TSNAX: variants seen among roughly 807,000 people sequenced by gnomAD.
TSNAX encodes translin-associated protein X.
A neutral mutation model predicts 33.0 loss-of-function variants in TSNAX; 12 were observed. That is an observed-to-expected ratio of 0.36 (90% confidence interval 0.23 to 0.59). TSNAX has a LOEUF of 0.59. Among genes scored for constraint, TSNAX ranks in the 20% least tolerant of loss-of-function variants. The pLI, the probability that TSNAX is intolerant of heterozygous loss-of-function variation, is 0.74. For missense variants in TSNAX, 267 were observed against 341.3 expected, an observed-to-expected ratio of 0.78 and a Z score of 1.72; for synonymous variants, 110 against 117.2, an observed-to-expected ratio of 0.94 and a Z score of 0.40.
chr1:231,561,247 A>C lies in TSNAX; in HGVS notation c.487A>C (p.Asn163His), dbSNP rs1558138779. 6.6e-7 allele frequency: 1 copy of C among 1,520,662 alleles called. No individual in the cohort carries two copies. The highest frequency in any genetic ancestry group is 2.3e-5 in the East Asian group (1 of 44,118). 94.2% of individuals were successfully genotyped at this position (1,520,662 alleles called of 1,614,324 possible). A position where few individuals can be genotyped will look rare whatever the true frequency, so the allele number is the denominator to read the frequency against. The change falls in exon 5 of 6, where the codon AAT becomes CAT. Residue 163 changes from asparagine (N) to histidine (H), a missense_variant. By Grantham distance (68) the Asn-to-His change is moderately conservative. Coordinates refer to ENST00000366639, the MANE Select transcript of TSNAX (RefSeq NM_005999.3). Reference sequence around the variant, plus strand: ...TACGACTGAAGACAATGGGAAAGAAAATAAAACTGTGAGAATTTAAAATTT... The same window carrying C: ...TACGACTGAAGACAATGGGAAAGAACATAAAACTGTGAGAATTTAAAATTT... ...IFTTEDNGKE[N>H]KTPSSDAQDK...
At chr1:231,531,748 A>G (rs552393861) in intron 2 of TSNAX, among the ~76,000 whole-genome samples, 2 of 152,280 alleles carry the variant, frequency 1.3e-5, no homozygotes, top group East Asian at 3.9e-4. Flanking sequence ...CCTATAGGCC[A>G]GGCAGCTTGC....
chr1:231,530,710 C>CAAA (rs59803472), intron 2 of TSNAX, among the ~76,000 whole-genome samples: 1 of 73,210 alleles, frequency 1.4e-5, no homozygotes, highest in Non-Finnish European at 2.9e-5. Flanking sequence ...GGCTCCGTCT[C>CAAA]AAAAAAAAAA....
chr1:231,539,651 T>C (rs1270632392), intron 3 of TSNAX, among the ~76,000 whole-genome samples: 1 of 152,112 alleles, frequency 6.6e-6, no homozygotes, highest in Non-Finnish European at 1.5e-5. Context: ...TTAGAAAAAT[T>C]ACGAATGGCA....
chr1:231,564,862 C>G lies in TSNAX; in HGVS notation c.830C>G (p.Ser277Ter). 2 of 1,614,108 alleles carry G rather than the reference C, an allele frequency of 1.2e-6. No individual in the cohort carries two copies. Among genetic ancestry groups the G allele is most frequent in the Non-Finnish European group, 1.7e-6 (2 of 1,180,002 alleles). The change falls in exon 6 of 6, where the codon TCA becomes TGA. Residue 277 changes from serine (S) to a stop codon, truncating the protein, a stop_gained. Coordinates refer to ENST00000366639, the MANE Select transcript of TSNAX (RefSeq NM_005999.3). LOFTEE classifies it high-confidence loss of function. ...AAACATATGTTGGCAGATGTGTTTTCAGTTAAAACAGAAATGATAGATCAA... is the reference window on the plus strand; with the variant it reads ...AAACATATGTTGGCAGATGTGTTTTGAGTTAAAACAGAAATGATAGATCAA... ...IPKHMLADVF[S>*]VKTEMIDQEE...
At chr1:231,553,100 G>A (rs1391677617) in intron 4 of TSNAX, among the ~76,000 whole-genome samples, 1 of 152,096 alleles carries the variant, frequency 6.6e-6, no homozygotes, top group African/African-American at 2.4e-5. Flanking sequence ...GCTCTTTTGG[G>A]TGTATATACC....
chr1:231,539,344 C>T (rs969532116), intron 3 of TSNAX, among the ~76,000 whole-genome samples: 17 of 152,064 alleles, frequency 1.1e-4, no homozygotes, highest in Non-Finnish European at 1.9e-4. Flanking sequence ...TTTTGGATTT[C>T]GGATTTTGGA....
rs568603856 is a variant in TSNAX at position 231,531,032 on chromosome 1, C to T, written c.121+1673C>T. ...AATAATTAGGCACGATCTTGGCTCA[C>T]TGCAAAACCTCTGCCTCCTGGGCTC... is the stretch of plus-strand genomic sequence containing the variant. On this transcript the variant is annotated intron_variant, in intron 2 of 5. Coordinates refer to ENST00000366639, the MANE Select transcript of TSNAX (RefSeq NM_005999.3). Among the ~76,000 whole-genome samples the T allele has an allele frequency of 3.3e-5, 5 of 151,482 alleles. No individual in the cohort carries two copies. The South Asian group carries it at 1.0e-3, about 32-fold the overall frequency.
intron 4 of TSNAX, among the ~76,000 whole-genome samples, chr1:231,550,816 T>C (rs977761030): frequency 6.6e-6 from 1 of 152,172 alleles, no homozygotes; most frequent in African/African-American, 2.4e-5. Context: ...ATCCCCTACA[T>C]TGGCAGGAAC....
In TSNAX at chr1:231,551,780, C is replaced by T. The variant is rs147436691; in HGVS notation, c.367+9169C>T. Among the ~76,000 whole-genome samples the T allele has an allele frequency of 2.9e-3, 423 of 148,318 alleles. 2 individuals carry two copies. Among genetic ancestry groups the T allele is most frequent in the African/African-American group, 0.01 (413 of 39,986 alleles). On this transcript the variant is annotated intron_variant, in intron 4 of 5. Transcript: ENST00000366639. ...ACCAGTCTGTGCAACTTAGCAAAAC[C>T]CTGTCTCTACAAAAAAGTAAAAAAA...
chr1:231,539,199 G>A (rs1558123204), intron 3 of TSNAX, among the ~76,000 whole-genome samples: 1 of 151,476 alleles, frequency 6.6e-6, no homozygotes, highest in Non-Finnish European at 1.5e-5. Context: ...TATTAATTAT[G>A]GACACTTTTT....
intron 4 of TSNAX, among the ~76,000 whole-genome samples, chr1:231,549,655 A>G (rs984094947): frequency 3.3e-5 from 5 of 152,230 alleles, no homozygotes; most frequent in Non-Finnish European, 7.3e-5. Context: ...GTAGGAAAAG[A>G]TAAGCAGCCT....
At chr1:231,548,748 A>G (rs1230660321) in intron 4 of TSNAX, among the ~76,000 whole-genome samples, 1 of 152,242 alleles carries the variant, frequency 6.6e-6, no homozygotes, top group Non-Finnish European at 1.5e-5. Flanking sequence ...CTAGGAGGCA[A>G]TTTGATACGT....
intron 4 of TSNAX, among the ~76,000 whole-genome samples, chr1:231,548,306 C>T (rs544794627): frequency 6.6e-6 from 1 of 152,228 alleles, no homozygotes; most frequent in African/African-American, 2.4e-5. Context: ...GATGCCTGCA[C>T]TTTACAGATG....
chr1:231,529,380 G>T, intron 2 of TSNAX, 21 bp downstream of exon 2: 1 of 1,609,316 alleles, frequency 6.2e-7, no homozygotes. Context: ...TGCAATGTAA[G>T]TTGAAGAAGG....
In TSNAX at chr1:231,537,923, G is replaced by T. The variant is rs372036854; in HGVS notation, c.236+596G>T. Among the ~76,000 whole-genome samples, 105 of 152,130 alleles carry T rather than the reference G, an allele frequency of 6.9e-4. No individual in the cohort carries two copies. The South Asian group carries it at 0.021, about 31-fold the overall frequency. The stretch of plus-strand genomic sequence containing the variant: ...ATTAAACTTTATTTGGATGATATGC[G>T]TGAAAATTTTAATATTAGATAAATG... On this transcript the variant is annotated intron_variant, in intron 3 of 5. Coordinates refer to ENST00000366639, the MANE Select transcript of TSNAX (RefSeq NM_005999.3).
chr1:231,563,592 G>A (rs1389575440), intron 5 of TSNAX: 1 of 154,768 alleles, frequency 6.5e-6, no homozygotes, highest in African/African-American at 2.4e-5. Flanking sequence ...TCAAACAAGA[G>A]GAGGGACAAC....
rs780557987 is a variant in TSNAX, at chr1:231,564,837, A to C, written c.805A>C (p.Lys269Gln). The change falls in exon 6 of 6, where the codon AAA (lysine) becomes CAA (glutamine). Residue 269 changes from lysine to glutamine, a missense_variant. By Grantham distance (53) the Lys-to-Gln change is moderately conservative. Around this residue, in one of 2 missense-constraint regions of TSNAX, gnomAD observed 67 missense variants for 127.2 expected, o/e 0.53. Coordinates refer to ENST00000366639, the MANE Select transcript of TSNAX (RefSeq NM_005999.3). ...ALKVRGSEIP[K>Q]HMLADVFSVK... Reference sequence around the variant, plus strand: ...GAAAGTCAGAGGGTCAGAAATTCCAAAACATATGTTGGCAGATGTGTTTTC... The same window carrying C: ...GAAAGTCAGAGGGTCAGAAATTCCACAACATATGTTGGCAGATGTGTTTTC... The C allele has an allele frequency of 3.1e-6, 5 of 1,614,204 alleles. No individual in the cohort carries two copies. Among genetic ancestry groups the C allele is most frequent in the Non-Finnish European group, 4.2e-6 (5 of 1,180,036 alleles).
At position 231,528,766 on chromosome 1, in the gene TSNAX, C is replaced by T. The variant is rs1427592515; in HGVS notation, c.-45C>T. The T allele has an allele frequency of 1.2e-6, 2 of 1,613,766 alleles. No individual in the cohort carries two copies. Among genetic ancestry groups the T allele is most frequent in the South Asian group, 1.1e-5 (1 of 91,064 alleles). Reference sequence around the variant, plus strand: ...CTGTACCTCGCGCACTCCTCTTGCTCCAGGTCCTTCAGTCTCCGCTCGTCT... The same window carrying T: ...CTGTACCTCGCGCACTCCTCTTGCTTCAGGTCCTTCAGTCTCCGCTCGTCT... On this transcript the variant is annotated 5_prime_UTR_variant, in exon 1 of 6. Transcript: ENST00000366639.
At position 231,537,231 on chromosome 1, in the gene TSNAX, A is replaced by ATG; in HGVS notation, c.141_142dup (p.Ala48ValfsTer11). The ATG allele has an allele frequency of 6.2e-7, 1 of 1,612,512 alleles. No homozygotes were observed. Among genetic ancestry groups the ATG allele is most frequent in the African/African-American group, 1.3e-5 (1 of 74,904 alleles). On this transcript the variant is annotated frameshift_variant, in exon 3 of 6. Transcript: ENST00000366639. LOFTEE classifies it high-confidence loss of function. ...TTTTTAGCATTTCAGCAGGAACTTG[A>ATG]TGCAAGGCATGACAAATATGAGAGA... is the stretch of plus-strand genomic sequence containing the variant.
Sources: gnomAD v4.1 joint callset for allele counts (sites outside exome capture counted in the v4.1 genomes callset) on GRCh38, gnomAD v4.1.1 for gene constraint, gnomAD v4.1.1 regional missense constraint, MANE v1.5 for transcripts, NCBI Gene and HGNC (gene_info 2026-07-23, HGNC 2026-07-21) for gene names.